Variants in GPC6 observed in about 807,000 individuals in gnomAD.
GPC6 encodes glypican 6.
Under a neutral mutation model 55.2 loss-of-function variants are expected in GPC6, and 14 were observed. The observed-to-expected ratio is 0.25, with a 90% confidence interval of 0.17 to 0.40. The LOEUF (loss-of-function observed/expected upper bound fraction) is 0.40. GPC6 is among the 10% of genes least tolerant of loss of function. The pLI is 1.00. For missense variants in GPC6, 641 were observed against 708.5 expected (o/e 0.90, Z 1.08); for synonymous variants, 278 against 259.6 (o/e 1.07, Z -0.68).
intron 2 of GPC6, among the ~76,000 whole-genome samples, chr13:93,669,725 A>G (rs1468473125): frequency 6.6e-6 from 1 of 152,184 alleles, no homozygotes; most frequent in African/African-American, 2.4e-5. Flanking sequence ...AGGAAGGAAG[A>G]GCAAGCAAGA....
At chr13:94,351,671 T>C (rs559539933) in intron 6 of GPC6, among the ~76,000 whole-genome samples, 1 of 152,188 alleles carries the variant, frequency 6.6e-6, no homozygotes, top group South Asian at 2.1e-4. Context: ...TCTGTGGCTA[T>C]GTCATGGATC....
intron 4 of GPC6, among the ~76,000 whole-genome samples, chr13:94,242,916 A>G (rs1230245705): frequency 2.0e-5 from 3 of 151,980 alleles, no homozygotes; most frequent in Non-Finnish European, 4.4e-5. Context: ...ATTTAACTTT[A>G]GAAGGAATCA....
rs1002648238 is a variant in GPC6, at chr13:93,784,620, T to C, written c.320-45534T>C. ...TCCTGTTATCTATTTTAGAATCCCA[T>C]CGCTGAAACCTCTTGTCTACTTCCA... On this transcript the variant is annotated intron_variant, in intron 2 of 8. Coordinates refer to ENST00000377047, the MANE Select transcript of GPC6 (RefSeq NM_005708.5). Among the ~76,000 whole-genome samples the C allele has an allele frequency of 5.3e-5, 8 of 152,328 alleles. 3 individuals are homozygous for C.
chr13:93,995,840 C>T (rs998019092), intron 3 of GPC6, among the ~76,000 whole-genome samples: 2 of 152,076 alleles, frequency 1.3e-5, no homozygotes, highest in Non-Finnish European at 2.9e-5. Flanking sequence ...ATTCATAATT[C>T]TACCCTAACA....
chr13:93,836,175 A>G (rs987894626), intron 3 of GPC6: 8 of 152,216 alleles, frequency 5.3e-5, no homozygotes, highest in African/African-American at 1.7e-4. Flanking sequence ...TCAACTTTCA[A>G]TAAATGTGGT....
At chr13:94,270,287 A>G (rs957558001) in intron 4 of GPC6, among the ~76,000 whole-genome samples, 1 of 152,230 alleles carries the variant, frequency 6.6e-6, no homozygotes, top group Non-Finnish European at 1.5e-5. Flanking sequence ...AATCTGAGAT[A>G]AGGAGTATAT....
At chr13:93,838,155 G>A (rs957397722) in intron 3 of GPC6, among the ~76,000 whole-genome samples, 3 of 152,132 alleles carry the variant, frequency 2.0e-5, no homozygotes, top group African/African-American at 4.8e-5. Context: ...TTCTCTATAA[G>A]AAACAGAGGG....
At chr13:93,646,849 T>C (rs1465559882) in intron 2 of GPC6, among the ~76,000 whole-genome samples, 1 of 139,754 alleles carries the variant, frequency 7.2e-6, no homozygotes, top group Non-Finnish European at 1.6e-5. Flanking sequence ...TTCCGTGTTA[T>C]CATGACATGA....
intron 3 of GPC6, among the ~76,000 whole-genome samples, chr13:94,018,961 G>A (rs1882596396): frequency 6.6e-6 from 1 of 152,128 alleles, no homozygotes; most frequent in Non-Finnish European, 1.5e-5. Context: ...ACCTGTCCAC[G>A]GAAAAATTGT....
chr13:93,561,390 A>G, intron 2 of GPC6, among the ~76,000 whole-genome samples: 1 of 91,164 alleles, frequency 1.1e-5, no homozygotes. Flanking sequence ...ATAATTGCAT[A>G]CTATATCCCT....
chr13:93,447,385 C>A (rs971082639), intron 1 of GPC6, among the ~76,000 whole-genome samples: 2 of 152,118 alleles, frequency 1.3e-5, no homozygotes, highest in African/African-American at 2.4e-5. Context: ...TGCCCATCAT[C>A]AGCATGTGCA....
intron 1 of GPC6, among the ~76,000 whole-genome samples, chr13:93,369,224 A>G (rs1445915676): frequency 6.6e-6 from 1 of 152,110 alleles, no homozygotes; most frequent in Non-Finnish European, 1.5e-5. Flanking sequence ...ATATTAATAT[A>G]TTGATGAAAA....
At chr13:94,328,081 A>T (rs1377836846) in intron 6 of GPC6, among the ~76,000 whole-genome samples, 1 of 152,130 alleles carries the variant, frequency 6.6e-6, no homozygotes, top group African/African-American at 2.4e-5. Context: ...GTCTCAAAGG[A>T]TTCCTCTGCA....
intron 1 of GPC6, among the ~76,000 whole-genome samples, chr13:93,356,102 T>A (rs996876754): frequency 3.3e-5 from 5 of 152,178 alleles, no homozygotes; most frequent in African/African-American, 1.2e-4. Flanking sequence ...CCACAGCCAG[T>A]TGTAAATATA....
chr13:93,318,760 G>A (rs1566296509), intron 1 of GPC6, among the ~76,000 whole-genome samples: 2 of 152,122 alleles, frequency 1.3e-5, no homozygotes, highest in African/African-American at 4.8e-5. Flanking sequence ...GTGAGGAAGT[G>A]CGGAAGCCAG....
At chr13:93,687,473 A>G (rs1882091361) in intron 2 of GPC6, among the ~76,000 whole-genome samples, 1 of 152,018 alleles carries the variant, frequency 6.6e-6, no homozygotes, top group Non-Finnish European at 1.5e-5. Context: ...GTTGAGGCCA[A>G]CTCATTGGCT....
chr13:93,510,444 C>T (rs947770479), intron 1 of GPC6, among the ~76,000 whole-genome samples: 1 of 152,078 alleles, frequency 6.6e-6, no homozygotes, highest in African/African-American at 2.4e-5. Context: ...CTGGCTTATT[C>T]ACTTAAGTTA....
intron 1 of GPC6, among the ~76,000 whole-genome samples, 198 bp from the exon 2 acceptor site, chr13:93,545,065 C>T (rs760137218): frequency 3.3e-5 from 5 of 152,080 alleles, no homozygotes; most frequent in South Asian, 2.1e-4. Context: ...GACTAAATAT[C>T]GGGTTCAACT....
chr13:93,450,458 A>G (rs1027657412), intron 1 of GPC6, among the ~76,000 whole-genome samples: 4 of 152,212 alleles, frequency 2.6e-5, no homozygotes, highest in African/African-American at 9.6e-5. Flanking sequence ...TTTATGAGTA[A>G]GGAAAGTTGT....
Sources: gnomAD v4.1 joint callset for allele counts (sites outside exome capture counted in the v4.1 genomes callset) on GRCh38, gnomAD v4.1.1 for gene constraint, MANE v1.5 for transcripts, NCBI Gene and HGNC (gene_info 2026-07-23, HGNC 2026-07-21) for gene names.